The following BRSK2 variants were observed in gnomAD, a reference collection of about 807,000 sequenced individuals.
BRSK2 encodes BR serine/threonine kinase 2, also known as serine/threonine-protein kinase BRSK2.
In BRSK2, 19 loss-of-function variants were observed where a neutral mutation model predicts 83.3. The ratio of observed to expected loss-of-function variants is 0.23; its 90% confidence interval spans 0.16 to 0.33. BRSK2 has a LOEUF of 0.33. BRSK2 is among the 10% of genes least tolerant of loss of function. The pLI, the probability that BRSK2 is intolerant of heterozygous loss-of-function variation, is 1.00. For synonymous variants in BRSK2, 519 were observed against 435.4 expected, an observed-to-expected ratio of 1.19 and a Z score of -2.39; for missense variants, 798 against 1,042.3, an observed-to-expected ratio of 0.77 and a Z score of 3.23.
intron 1 of BRSK2, among the ~76,000 whole-genome samples, chr11:1,425,416 T>C (rs1302501690): frequency 6.6e-6 from 1 of 151,916 alleles, no homozygotes; most frequent in Non-Finnish European, 1.5e-5. Context: ...GAGGAAGCTG[T>C]GGTGTCCTTG....
chr11:1,454,730 C>A lies in BRSK2; in HGVS notation c.1668+122C>A. On this transcript the variant is annotated intron_variant, in intron 16 of 19. Coordinates refer to ENST00000528841, the MANE Select transcript of BRSK2 (RefSeq NM_001256627.2). The surrounding 1 kb of genome is among the most constrained non-coding windows in gnomAD (Gnocchi z 5.2). ...CACGCGCACAGCACGGACGTCCGCTCACCCGTGGGCCTGCCTGGCCGCCTT... is the reference window on the plus strand; with the variant it reads ...CACGCGCACAGCACGGACGTCCGCTAACCCGTGGGCCTGCCTGGCCGCCTT... 7.7e-7 allele frequency: 1 copy of A among 1,305,744 alleles called. No homozygotes were observed. The highest frequency in any genetic ancestry group is 1.0e-6 in the Non-Finnish European group (1 of 959,040). 80.9% of individuals were successfully genotyped at this position (1,305,744 alleles called of 1,614,324 possible).
chr11:1,448,534 G>A (rs747562883), intron 12 of BRSK2, among the ~76,000 whole-genome samples: 6 of 152,182 alleles, frequency 3.9e-5, no homozygotes, highest in South Asian at 2.1e-4. Flanking sequence ...ACCAGGGCTC[G>A]GCCCCTCCAC....
rs1850620229 is a variant in BRSK2, at chr11:1,438,344, C to T, written c.225C>T (p.His75=). 6.2e-7 allele frequency: 1 copy of T among 1,613,964 alleles called. No individual in the cohort carries two copies. ...REIAILKLIE[H]PHVLKLHDVY... ...TCGCGATCCTGAAGCTCATTGAGCA[C>T]CCCCACGTCCTAAAGCTGCACGACG... Residue 75 remains histidine, a synonymous_variant, in exon 3 of 20, where the codon CAC becomes CAT. Coordinates refer to ENST00000528841, the MANE Select transcript of BRSK2 (RefSeq NM_001256627.2). The surrounding 1 kb of genome is among the most constrained non-coding windows in gnomAD (Gnocchi z 6.4).
At chr11:1,398,488 CAG>C (rs1182009238) in intron 1 of BRSK2, among the ~76,000 whole-genome samples, 1 of 152,112 alleles carries the variant, frequency 6.6e-6, no homozygotes, top group Non-Finnish European at 1.5e-5. Context: ...CCTGGGGATA[CAG>C]GGGGTGGAGA....
At chr11:1,425,519 C>T (rs904129797) in intron 1 of BRSK2, among the ~76,000 whole-genome samples, 1 of 152,218 alleles carries the variant, frequency 6.6e-6, no homozygotes, top group African/African-American at 2.4e-5. Flanking sequence ...TGGGAGCCGC[C>T]TCAGTGGGGT....
chr11:1,445,362 G>A lies in BRSK2; in HGVS notation c.881G>A (p.Ser294Asn). ...AAGGTGCAGATCCGCTCGCTGCCCA[G>A]CCTGGAGGACATCGACCCCGACGTG... ...PRKVQIRSLP[S>N]LEDIDPDVLD... Residue 294 changes from serine to asparagine, a missense_variant, in exon 10 of 20, where the codon AGC (serine) becomes AAC (asparagine). Physicochemically the swap from Ser to Asn is conservative, Grantham distance 46. This residue lies in a region of BRSK2 where 145 missense variants were observed against 225.4 expected (regional missense o/e 0.64). Coordinates refer to ENST00000528841, the MANE Select transcript of BRSK2 (RefSeq NM_001256627.2). 6.2e-7 allele frequency: 1 copy of A among 1,611,950 alleles called. No homozygotes were observed. Among genetic ancestry groups the A allele is most frequent in the Non-Finnish European group, 8.5e-7 (1 of 1,179,626 alleles).
chr11:1,408,770 TGTGTGTGTTTGGCTGTGCAAGG>T (rs1847097655), intron 1 of BRSK2, among the ~76,000 whole-genome samples: 2 of 76,064 alleles, frequency 2.6e-5, no homozygotes, highest in Admixed American at 1.1e-4. Context: ...CAGGGGTGTG[TGTGTGTGTTTGGCTGTGCAAGG>T]GTGTGTGTTT....
rs965107147 is a variant in BRSK2 at position 1,444,992 on chromosome 11, A to G, written c.802A>G (p.Ile268Val). The G allele has an allele frequency of 5.6e-6, 9 of 1,613,014 alleles. No homozygotes were observed. The highest frequency in any genetic ancestry group is 1.6e-4 in the Middle Eastern group (1 of 6,080). ...RLTLEHIQKH[I>V]WYIGGKNEPE... ...GTAGCTAGAGCACATTCAGAAACAC[A>G]TATGGTATATGTAAGTAGCTTTTCC... is the stretch of plus-strand genomic sequence containing the variant. Residue 268 changes from isoleucine to valine, a missense_variant, in exon 9 of 20, where the codon ATA (isoleucine) becomes GTA (valine). Physicochemically the swap from Ile to Val is conservative, Grantham distance 29. Transcript: ENST00000528841.
chr11:1,452,391 C>A (rs1294787598), intron 15 of BRSK2, among the ~76,000 whole-genome samples: 2 of 152,248 alleles, frequency 1.3e-5, no homozygotes, highest in African/African-American at 4.8e-5. Flanking sequence ...GACTTGGGAA[C>A]CTTCCGCCTA....
At chr11:1,422,333 CCT>C (rs1285657880) in intron 1 of BRSK2, among the ~76,000 whole-genome samples, 1 of 152,174 alleles carries the variant, frequency 6.6e-6, no homozygotes, top group African/African-American at 2.4e-5. Context: ...GCTCCTCCAC[CCT>C]GTCTGCCGTG....
chr11:1,436,032 T>C lies in BRSK2; in HGVS notation c.92-8T>C. The C allele has an allele frequency of 6.2e-7, 1 of 1,600,490 alleles. No individual in the cohort carries two copies. The highest frequency in any genetic ancestry group is 8.5e-7 in the Non-Finnish European group (1 of 1,174,014). ...GTGGGTCTGAGCGCGGCTGCTTCTC[T>C]CCCGCAGGTCTGGTGAAGCTGGGGG... On this transcript the variant is annotated splice_polypyrimidine_tract_variant and splice_region_variant and intron_variant, in intron 1 of 19. Transcript: ENST00000528841.
chr11:1,443,457 C>G (rs1448724946), intron 7 of BRSK2, 32 bp from the exon 8 acceptor site: 2 of 1,574,342 alleles, frequency 1.3e-6, no homozygotes, highest in Non-Finnish European at 1.7e-6. Flanking sequence ...ACCTGCCCCC[C>G]CACGCTGACC....
intron 18 of BRSK2, chr11:1,457,113 C>A (rs1590706740): frequency 1.4e-6 from 2 of 1,423,248 alleles, no homozygotes; most frequent in South Asian, 1.3e-5. Context: ...CGGAGCCAGG[C>A]TGGCCCTGAG....
At chr11:1,405,609 G>A (rs937896648) in intron 1 of BRSK2, among the ~76,000 whole-genome samples, 8 of 152,162 alleles carry the variant, frequency 5.3e-5, no homozygotes, top group Non-Finnish European at 8.8e-5. Flanking sequence ...GACCAGCGGC[G>A]CCAGCTACCC....
rs1182199054 is a variant in BRSK2 at position 1,390,222 on chromosome 11, G to A, written c.-63G>A. ...CGGCACTCGGCGGACGCGGGCGGAC[G>A]CTGGGCGGCCCCTCCCTGCCCGCGC... On this transcript the variant is annotated 5_prime_UTR_variant, in exon 1 of 20. Coordinates refer to ENST00000528841, the MANE Select transcript of BRSK2 (RefSeq NM_001256627.2). The surrounding 1 kb of genome is among the most constrained non-coding windows in gnomAD (Gnocchi z 6.8). 2.2e-6 allele frequency: 2 copies of A among 895,764 alleles called. No individual in the cohort carries two copies. The highest frequency in any genetic ancestry group is 2.4e-4 in the East Asian group (2 of 8,284). The allele number at this position is 895,764 out of a possible 1,614,324, so 55.5% of individuals were successfully genotyped here.
rs183399771 is a variant in BRSK2 at position 1,425,006 on chromosome 11, C to A, written c.92-11034C>A. 1.8e-4 allele frequency among the ~76,000 whole-genome samples: 28 copies of A among 152,356 alleles called. No homozygotes were observed. The East Asian group carries it at 3.5e-3, about 19-fold the overall frequency. On this transcript the variant is annotated intron_variant, in intron 1 of 19. Transcript: ENST00000528841. The stretch of plus-strand genomic sequence containing the variant: ...GGGGTCAGTGGGATTGGCGCCCAGG[C>A]CCTGCTGTGACGCCACGTGTTTCCC...
chr11:1,448,376 T>C (rs1359026507), intron 12 of BRSK2, among the ~76,000 whole-genome samples: 7 of 152,242 alleles, frequency 4.6e-5, no homozygotes. Context: ...TCCTTCTCTT[T>C]GAGCCCTGGC....
intron 1 of BRSK2, among the ~76,000 whole-genome samples, chr11:1,415,094 C>CTTTTTT (rs34102200): frequency 7.8e-6 from 1 of 128,630 alleles, no homozygotes; most frequent in Non-Finnish European, 1.6e-5. Flanking sequence ...CTGTCTTTAC[C>CTTTTTT]TTTTTTTTTT....
intron 1 of BRSK2, among the ~76,000 whole-genome samples, chr11:1,417,523 T>TCA (rs1325997820): frequency 6.6e-6 from 1 of 150,550 alleles, no homozygotes; most frequent in Non-Finnish European, 1.5e-5. Context: ...TGAGAGTGGG[T>TCA]CACACTGTGT....
Sources: gnomAD v4.1 joint callset for allele counts (sites outside exome capture counted in the v4.1 genomes callset) on GRCh38, gnomAD v4.1.1 for gene constraint, gnomAD v4.1.1 regional missense constraint, Gnocchi (gnomAD v3.1) non-coding constraint, MANE v1.5 for transcripts, NCBI Gene and HGNC (gene_info 2026-07-23, HGNC 2026-07-21) for gene names.